Variants in NCOA1 observed in about 807,000 individuals in gnomAD.
The protein encoded by NCOA1 is Hin-2 protein.
NCOA1 carries 35 observed loss-of-function variants against 150.9 expected under a neutral mutation model. The observed-to-expected ratio is 0.23, with a 90% CI of 0.18 to 0.31. NCOA1 has a LOEUF of 0.31. NCOA1 is among the 10% of genes least tolerant of loss of function. NCOA1 has a pLI of 1.00. For synonymous variants in NCOA1, 590 were observed against 630.0 expected (o/e 0.94, Z 0.95); for missense variants, 1,491 against 1,749.3 (o/e 0.85, Z 2.63).
chr2:24,631,354 T>C (rs1669701804), intron 3 of NCOA1, among the ~76,000 whole-genome samples: 1 of 152,198 alleles, frequency 6.6e-6, no homozygotes, highest in Non-Finnish European at 1.5e-5. Flanking sequence ...AAGTATATCC[T>C]AAAGAAGATA....
At chr2:24,704,778 A>G (rs12991227) in intron 11 of NCOA1, among the ~76,000 whole-genome samples, 64,939 of 147,148 alleles carry the variant, frequency 0.44, 15,404 homozygotes, top group Admixed American at 0.6. Context: ...GTCTCAAAAG[A>G]AAAAAAAAAA....
At position 24,654,005 on chromosome 2, in the gene NCOA1, A is replaced by G. The variant is rs139059844; in HGVS notation, c.-17-4656A>G. On this transcript the variant is annotated intron_variant, in intron 4 of 22. Coordinates refer to ENST00000348332, the MANE Select transcript of NCOA1 (RefSeq NM_003743.5). The stretch of plus-strand genomic sequence containing the variant: ...TTTCATTTTTGTATTACTAAATTTT[A>G]AAATACATTTTATTTATATGAAATT... 8.7e-4 allele frequency among the ~76,000 whole-genome samples: 132 copies of G among 152,334 alleles called. 1 individual carries two copies. The East Asian group carries it at 0.02, about 24-fold the overall frequency.
At chr2:24,637,856 C>T (rs930216012) in intron 3 of NCOA1, among the ~76,000 whole-genome samples, 9 of 152,000 alleles carry the variant, frequency 5.9e-5, no homozygotes, top group South Asian at 2.1e-4. Context: ...CCACCATGTC[C>T]GGCTAATTTT....
intron 1 of NCOA1, among the ~76,000 whole-genome samples, chr2:24,499,588 T>A (rs979987637): frequency 6.6e-6 from 1 of 152,230 alleles, no homozygotes; most frequent in Non-Finnish European, 1.5e-5. Context: ...TGGCATTTTT[T>A]AAGATGATGC....
chr2:24,724,631 A>G (rs911984533), intron 14 of NCOA1, among the ~76,000 whole-genome samples: 1 of 151,856 alleles, frequency 6.6e-6, no homozygotes, highest in Admixed American at 6.6e-5. Context: ...TTTTCTTAAC[A>G]TTTTTTTCAA....
intron 7 of NCOA1, among the ~76,000 whole-genome samples, chr2:24,677,939 A>C (rs184933094): frequency 6.6e-6 from 1 of 152,030 alleles, no homozygotes; most frequent in Admixed American, 6.6e-5. Flanking sequence ...TTACATAGCT[A>C]AATGTGTGCC....
In NCOA1 at chr2:24,577,702, A is replaced by AGT. The variant is rs370839718; in HGVS notation, c.-259-6773_-259-6772dup. On this transcript the variant is annotated intron_variant, in intron 2 of 22. Transcript: ENST00000348332. ...GATTGATATCCAGCACTTGGGTGATAGTACTTTGTAAAATGCAAATTAGTC... is the reference window on the plus strand; with the variant it reads ...GATTGATATCCAGCACTTGGGTGATAGTGTACTTTGTAAAATGCAAATTAGTC... Among the ~76,000 whole-genome samples the AGT allele has an allele frequency of 3.2e-3, 490 of 152,366 alleles. 4 individuals carry two copies. The highest frequency in any genetic ancestry group is 0.011 in the African/African-American group (470 of 41,588).
At chr2:24,506,369 T>A (rs1279227234) in intron 1 of NCOA1, among the ~76,000 whole-genome samples, 1 of 152,184 alleles carries the variant, frequency 6.6e-6, no homozygotes, top group Non-Finnish European at 1.5e-5. Flanking sequence ...CTCAGTTGGA[T>A]GCTCTATAGC....
chr2:24,706,814 G>T lies in NCOA1; in HGVS notation c.1344G>T (p.Gln448His), dbSNP rs1572620444. 5.0e-6 allele frequency: 8 copies of T among 1,614,208 alleles called. No homozygotes were observed. In the East Asian group the frequency reaches 1.8e-4, roughly 36 times the overall value. ...QGSFGCSPGSQIVANVALNQG... is the reference protein window; with the variant it reads ...QGSFGCSPGSHIVANVALNQG... ...GTTTCGGATGCTCACCCGGAAGTCA[G>T]ATTGTAGCCAATGTTGCCTTAAACC... Residue 448 changes from glutamine (Q) to histidine (H), a missense_variant, in exon 13 of 23, where the codon CAG becomes CAT. Around this residue, in one of 8 missense-constraint regions of NCOA1, gnomAD observed 703 missense variants for 717.7 expected, o/e 0.98. Coordinates refer to ENST00000348332, the MANE Select transcript of NCOA1 (RefSeq NM_003743.5).
intron 4 of NCOA1, among the ~76,000 whole-genome samples, chr2:24,648,297 G>A (rs1017361371): frequency 2.7e-5 from 4 of 149,670 alleles, no homozygotes; most frequent in Admixed American, 6.7e-5. Context: ...TTTTTGAGAC[G>A]GTGTCTCACT....
intron 9 of NCOA1, among the ~76,000 whole-genome samples, chr2:24,692,930 G>A (rs576204350): frequency 2.0e-5 from 3 of 152,130 alleles, no homozygotes; most frequent in Non-Finnish European, 4.4e-5. Context: ...GCGTGATCTC[G>A]GCTCACTGCA....
At chr2:24,648,840 A>G (rs942288083) in intron 4 of NCOA1, among the ~76,000 whole-genome samples, 1 of 152,078 alleles carries the variant, frequency 6.6e-6, no homozygotes, top group South Asian at 2.1e-4. Flanking sequence ...ATGGGTTTCT[A>G]AAATAGTTGA....
chr2:24,614,811 A>C (rs1668804679), intron 3 of NCOA1, among the ~76,000 whole-genome samples: 2 of 152,216 alleles, frequency 1.3e-5, no homozygotes, highest in African/African-American at 4.8e-5. Context: ...AATAACAGCT[A>C]GTGTTTATTG....
intron 10 of NCOA1, among the ~76,000 whole-genome samples, chr2:24,693,651 A>C (rs1036414832): frequency 1.3e-5 from 2 of 152,208 alleles, no homozygotes; most frequent in African/African-American, 4.8e-5. Flanking sequence ...ATAGATATGT[A>C]AATATGTAGA....
chr2:24,689,201 G>A (rs1295685262), intron 8 of NCOA1, among the ~76,000 whole-genome samples: 1 of 151,998 alleles, frequency 6.6e-6, no homozygotes, highest in African/African-American at 2.4e-5. Context: ...TTGGCTATTT[G>A]GGCTCTTTTT....
At chr2:24,722,181 C>T (rs1156350331) in intron 14 of NCOA1, among the ~76,000 whole-genome samples, 2 of 152,126 alleles carry the variant, frequency 1.3e-5, no homozygotes, top group Non-Finnish European at 2.9e-5. Context: ...AATCTCAATC[C>T]ACCTGGTTTC....
intron 14 of NCOA1, among the ~76,000 whole-genome samples, chr2:24,720,748 C>T (rs973357156): frequency 5.3e-5 from 8 of 152,218 alleles, no homozygotes; most frequent in African/African-American, 1.4e-4. Flanking sequence ...AATATGATAG[C>T]GTATAAAGAG....
At chr2:24,725,948 A>G (rs1674596008) in intron 14 of NCOA1, among the ~76,000 whole-genome samples, 1 of 152,142 alleles carries the variant, frequency 6.6e-6, no homozygotes. Flanking sequence ...TATAAATAGT[A>G]CAGAGATGAT....
chr2:24,555,121 G>A (rs1050941284), intron 1 of NCOA1, among the ~76,000 whole-genome samples: 30 of 152,044 alleles, frequency 2.0e-4, no homozygotes, highest in Non-Finnish European at 7.4e-5. Context: ...GGGGACTTCC[G>A]AGAGGAAAAG....
Sources: allele counts gnomAD v4.1 joint callset (sites outside exome capture counted in the v4.1 genomes callset), GRCh38; gene constraint gnomAD v4.1.1; regional missense constraint gnomAD v4.1.1; transcripts MANE v1.5; gene names NCBI Gene and HGNC (gene_info 2026-07-23, HGNC 2026-07-21).